Variants in FANCC observed in about 807,000 individuals in gnomAD.
FANCC encodes FA complementation group C, also known as Fanconi anemia group C protein.
Under a neutral mutation model 71.3 loss-of-function variants are expected in FANCC, and 55 were observed. That is an observed-to-expected ratio of 0.77 (90% CI 0.62 to 0.97). The LOEUF (loss-of-function observed/expected upper bound fraction) is 0.97. Ranked by LOEUF, FANCC falls within the 50% of genes least tolerant of loss-of-function variation. The pLI, the probability that FANCC is intolerant of heterozygous loss-of-function variation, is 0.00. For missense variants in FANCC, 678 were observed against 670.9 expected (o/e 1.01, Z -0.12); for synonymous variants, 275 against 244.9 (o/e 1.12, Z -1.15).
intron 3 of FANCC, among the ~76,000 whole-genome samples, chr9:95,242,050 A>G (rs182865905): frequency 6.6e-6 from 1 of 152,332 alleles, no homozygotes; most frequent in East Asian, 1.9e-4. Context: ...TCCACAAACT[A>G]AATAATGCTA....
chr9:95,181,788 C>T (rs1232310038), intron 4 of FANCC, among the ~76,000 whole-genome samples: 1 of 152,164 alleles, frequency 6.6e-6, no homozygotes, highest in African/African-American at 2.4e-5. Context: ...AATTTCGATT[C>T]ATGTAAAAGA....
chr9:95,253,793 C>T (rs534079730), intron 1 of FANCC, among the ~76,000 whole-genome samples: 2 of 130,600 alleles, frequency 1.5e-5, no homozygotes, highest in East Asian at 2.3e-4. Flanking sequence ...TGGACCAGGG[C>T]GGGGGCAGGG....
intron 4 of FANCC, among the ~76,000 whole-genome samples, chr9:95,230,973 C>G (rs1829975736): frequency 6.6e-6 from 1 of 152,184 alleles, no homozygotes; most frequent in Non-Finnish European, 1.5e-5. Flanking sequence ...TAGCTACATA[C>G]AGAGCACCGA....
In FANCC at chr9:95,294,231, C is replaced by T. The variant is rs1315568439; in HGVS notation, c.-79+23295G>A. On this transcript the variant is annotated intron_variant, in intron 1 of 14. Transcript: ENST00000289081. The stretch of plus-strand genomic sequence containing the variant: ...AGCTCCCATCTGGCCCAGCCCAGAA[C>T]CCTGGAATCAATTTTGATATTGAAG... 5.7e-6 allele frequency: 9 copies of T among 1,586,266 alleles called. No individual in the cohort carries two copies. In the Admixed American group the frequency reaches 8.3e-5, roughly 15 times the overall value.
At chr9:95,116,931 T>C (rs1395594965) in intron 11 of FANCC, among the ~76,000 whole-genome samples, 1 of 152,242 alleles carries the variant, frequency 6.6e-6, no homozygotes, top group Non-Finnish European at 1.5e-5. Flanking sequence ...GCAACAAGGC[T>C]GCACAGAGTA....
intron 4 of FANCC, among the ~76,000 whole-genome samples, chr9:95,202,641 T>A (rs1827873009): frequency 6.6e-6 from 1 of 152,292 alleles, no homozygotes; most frequent in African/African-American, 2.4e-5. Context: ...CCCCTTCCAA[T>A]TAAGAAGTAA....
At chr9:95,265,996 C>G (rs947703789) in intron 1 of FANCC, among the ~76,000 whole-genome samples, 12 of 152,120 alleles carry the variant, frequency 7.9e-5, no homozygotes, top group African/African-American at 2.4e-4. Flanking sequence ...GTCAGAGTCC[C>G]CAGAGAGAAA....
Position 95,249,272 on chromosome 9 carries a change from T to G in FANCC, c.20A>C (p.Asp7Ala), listed in dbSNP as rs1218495715. 1.2e-6 allele frequency: 2 copies of G among 1,613,954 alleles called. No individual in the cohort carries two copies. The highest frequency in any genetic ancestry group is 8.5e-7 in the Non-Finnish European group (1 of 1,180,006). Residue 7 changes from aspartate to alanine, a missense_variant, in exon 2 of 15, where the codon GAT becomes GCT. Coordinates refer to ENST00000289081, the MANE Select transcript of FANCC (RefSeq NM_000136.3). Reference sequence around the variant, plus strand: ...CCAAAACTGATAATCACAAGAAAGATCTACTGAATCTTGAGCCATCTTGGA... The same window carrying G: ...CCAAAACTGATAATCACAAGAAAGAGCTACTGAATCTTGAGCCATCTTGGA... MAQDSV[D>A]LSCDYQFWMQ...
intron 7 of FANCC, among the ~76,000 whole-genome samples, chr9:95,140,625 G>A (rs1828508310): frequency 2.0e-5 from 3 of 152,150 alleles, no homozygotes; most frequent in Non-Finnish European, 2.9e-5. Flanking sequence ...CCAAGACAAA[G>A]GTGCACTGGC....
intron 1 of FANCC, among the ~76,000 whole-genome samples, chr9:95,274,505 T>A (rs1485105531): frequency 6.6e-6 from 1 of 152,194 alleles, no homozygotes. Flanking sequence ...TGTGTCTTTA[T>A]AGTAGAATGA....
chr9:95,302,632 G>A (rs1297683364), intron 1 of FANCC, among the ~76,000 whole-genome samples: 2 of 152,230 alleles, frequency 1.3e-5, no homozygotes, highest in African/African-American at 4.8e-5. Context: ...CCAGTGCTCA[G>A]TAGAGCAGTG....
chr9:95,255,518 G>A (rs534297411), intron 1 of FANCC, among the ~76,000 whole-genome samples: 1 of 152,218 alleles, frequency 6.6e-6, no homozygotes, highest in Admixed American at 6.5e-5. Context: ...CAAAAAGGAC[G>A]TCTACATAAA....
At chr9:95,188,663 C>T (rs1174327725) in intron 4 of FANCC, among the ~76,000 whole-genome samples, 1 of 152,214 alleles carries the variant, frequency 6.6e-6, no homozygotes, top group African/African-American at 2.4e-5. Flanking sequence ...GTCCGAAACA[C>T]GTCAGTGTTT....
At chr9:95,317,059 T>G (rs1835791743) in intron 1 of FANCC, 1 of 152,492 alleles carries the variant, frequency 6.6e-6, no homozygotes, top group Admixed American at 6.5e-5. Context: ...CGAGGCCAGC[T>G]GTAGAGGGCG....
At chr9:95,153,345 C>A (rs758390306) in intron 6 of FANCC, among the ~76,000 whole-genome samples, 6 of 151,776 alleles carry the variant, frequency 4.0e-5, no homozygotes, top group African/African-American at 7.3e-5. Flanking sequence ...ATAAAGACAT[C>A]TTTTCCTTTG....
At chr9:95,198,081 A>G (rs1396336846) in intron 4 of FANCC, among the ~76,000 whole-genome samples, 1 of 152,194 alleles carries the variant, frequency 6.6e-6, no homozygotes, top group Non-Finnish European at 1.5e-5. Context: ...GTCTTGGCTC[A>G]GAGGTGTTAA....
chr9:95,259,991 C>T (rs867361401), intron 1 of FANCC, among the ~76,000 whole-genome samples: 12 of 152,138 alleles, frequency 7.9e-5, no homozygotes, highest in African/African-American at 2.4e-4. Context: ...CACAATGAGA[C>T]ACCATCTCAC....
At chr9:95,155,666 G>A (rs1163153149) in intron 6 of FANCC, among the ~76,000 whole-genome samples, 2 of 152,024 alleles carry the variant, frequency 1.3e-5, no homozygotes, top group Non-Finnish European at 2.9e-5. Context: ...AAAGTCTCCT[G>A]GACCACAATT....
At chr9:95,308,565 C>CAGG (rs1326425383) in intron 1 of FANCC, among the ~76,000 whole-genome samples, 1 of 152,076 alleles carries the variant, frequency 6.6e-6, no homozygotes, top group Admixed American at 6.5e-5. Flanking sequence ...GGATTACAGG[C>CAGG]AGGAGCTACC....
Sources: gnomAD v4.1 joint callset for allele counts (sites outside exome capture counted in the v4.1 genomes callset) on GRCh38, gnomAD v4.1.1 for gene constraint, MANE v1.5 for transcripts, NCBI Gene and HGNC (gene_info 2026-07-23, HGNC 2026-07-21) for gene names.